The following PCDHGB3 variants were observed in gnomAD, a reference collection of about 807,000 sequenced individuals.
The protein encoded by PCDHGB3 is protocadherin gamma subfamily B, 3, also known as protocadherin gamma-B3.
In PCDHGB3, 40 loss-of-function variants were observed where a neutral mutation model predicts 59.2. That is an observed-to-expected ratio of 0.68 (90% CI 0.52 to 0.88). The LOEUF (loss-of-function observed/expected upper bound fraction) is 0.88. Among genes scored for constraint, PCDHGB3 ranks in the 40% least tolerant of loss-of-function variants. The pLI, the probability that PCDHGB3 is intolerant of heterozygous loss-of-function variation, is 0.00. For synonymous variants in PCDHGB3, 581 were observed against 503.6 expected, an observed-to-expected ratio of 1.15 and a Z score of -2.06; for missense variants, 1,309 against 1,187.9, an observed-to-expected ratio of 1.10 and a Z score of -1.50.
chr5:141,431,288 C>T lies in PCDHGB3; in HGVS notation c.2415+58479C>T, dbSNP rs2097358193. ...GAGCTACGAGCTCAGCCCGAACACT[C>T]ACTTCTCCCTCATCGTGCAAAATGG... On this transcript the variant is annotated intron_variant, in intron 1 of 3. Transcript: ENST00000576222. This position sits in a 1 kb window ranked among gnomAD's most constrained non-coding sequence, Gnocchi z 4.8. 1 of 1,614,152 alleles carries T rather than the reference C, an allele frequency of 6.2e-7. No individual in the cohort carries two copies. Among genetic ancestry groups the T allele is most frequent in the East Asian group, 2.2e-5 (1 of 44,890 alleles).
intron 1 of PCDHGB3, among the ~76,000 whole-genome samples, chr5:141,481,161 A>G (rs2099532805): frequency 6.6e-6 from 1 of 152,230 alleles, no homozygotes; most frequent in African/African-American, 2.4e-5. Flanking sequence ...GTATTTGCAG[A>G]ACCAGAATCC....
chr5:141,501,141 A>G (rs940603527), intron 2 of PCDHGB3, among the ~76,000 whole-genome samples: 8 of 152,184 alleles, frequency 5.3e-5, no homozygotes, highest in Admixed American at 5.2e-4. Context: ...TGCTGGGATT[A>G]CAGGTGGGAG....
At position 141,491,489 on chromosome 5, in the gene PCDHGB3, A is replaced by T; in HGVS notation, c.2416-3318A>T. 1.2e-6 allele frequency: 2 copies of T among 1,614,130 alleles called. No individual in the cohort carries two copies. Among genetic ancestry groups the T allele is most frequent in the Non-Finnish European group, 1.7e-6 (2 of 1,180,018 alleles). On this transcript the variant is annotated intron_variant, in intron 1 of 3. Coordinates refer to ENST00000576222, the MANE Select transcript of PCDHGB3 (RefSeq NM_018924.5). This position sits in a 1 kb window ranked among gnomAD's most constrained non-coding sequence, Gnocchi z 6.9. ...TATAAGCAGTCCAGCCCCAACCTGC[A>T]GGTGAGCTCGGACGGCACGCTCAAG... is the stretch of plus-strand genomic sequence containing the variant.
Position 141,371,363 on chromosome 5 carries a change from T to C in PCDHGB3, c.969T>C (p.Asp323=). Residue 323 remains aspartate, a synonymous_variant, in exon 1 of 4, where the codon GAT becomes GAC. Coordinates refer to ENST00000576222, the MANE Select transcript of PCDHGB3 (RefSeq NM_018924.5). The part of the protein sequence containing the change: ...DSYTIGVEAK[D]GGHHTAYCKV... ...ACACAATTGGGGTGGAAGCAAAGGATGGTGGACATCACACTGCATATTGTA... is the reference window on the plus strand; with the variant it reads ...ACACAATTGGGGTGGAAGCAAAGGACGGTGGACATCACACTGCATATTGTA... 3.7e-6 allele frequency: 6 copies of C among 1,613,948 alleles called. No individual in the cohort carries two copies. Among genetic ancestry groups the C allele is most frequent in the Non-Finnish European group, 5.1e-6 (6 of 1,179,864 alleles).
At chr5:141,383,441 C>T (rs529896434) in intron 1 of PCDHGB3, 15 of 1,613,978 alleles carry the variant, frequency 9.3e-6, no homozygotes, top group South Asian at 7.7e-5. Flanking sequence ...TTCTCCCTGG[C>T]TGTGCAAAGT....
chr5:141,398,842 C>T (rs2093712910), intron 1 of PCDHGB3: 2 of 1,613,974 alleles, frequency 1.2e-6, no homozygotes, highest in Non-Finnish European at 1.7e-6. Flanking sequence ...CAATGATAAT[C>T]CCCCGGTATT....
Position 141,372,234 on chromosome 5 carries a change from C to G in PCDHGB3, c.1840C>G (p.Pro614Ala). The change falls in exon 1 of 4, where the codon CCC becomes GCC. Residue 614 changes from proline to alanine, a missense_variant. Coordinates refer to ENST00000576222, the MANE Select transcript of PCDHGB3 (RefSeq NM_018924.5). ...LSYHIVQASEPGLFSLGLRTG... is the reference protein window; with the variant it reads ...LSYHIVQASEAGLFSLGLRTG... Reference sequence around the variant, plus strand: ...CTACCACATTGTGCAGGCCAGCGAGCCCGGGCTGTTCAGCCTGGGCCTGCG... The same window carrying G: ...CTACCACATTGTGCAGGCCAGCGAGGCCGGGCTGTTCAGCCTGGGCCTGCG... 6.2e-7 allele frequency: 1 copy of G among 1,613,350 alleles called. No individual in the cohort carries two copies. The highest frequency in any genetic ancestry group is 8.5e-7 in the Non-Finnish European group (1 of 1,179,832).
At chr5:141,447,947 A>G (rs2098555998) in intron 1 of PCDHGB3, among the ~76,000 whole-genome samples, 1 of 151,958 alleles carries the variant, frequency 6.6e-6, no homozygotes, top group South Asian at 2.1e-4. Flanking sequence ...TTAGCTGGGC[A>G]TGGTGGCGGA....
At chr5:141,415,793 T>C in intron 1 of PCDHGB3, 1 of 1,373,160 alleles carries the variant, frequency 7.3e-7, no homozygotes, top group Non-Finnish European at 9.4e-7. Context: ...AAAATTCACC[T>C]AGTCTCAATC....
intron 1 of PCDHGB3, 79 bp from the exon 2 acceptor site, chr5:141,494,728 C>T (rs2099756337): frequency 1.2e-6 from 2 of 1,609,984 alleles, no homozygotes; most frequent in Admixed American, 3.3e-5. Context: ...TCCTTCTCTC[C>T]CGGCCCATCC....
intron 1 of PCDHGB3, chr5:141,391,507 T>C (rs2092381186): frequency 6.6e-6 from 1 of 152,172 alleles, no homozygotes; most frequent in Non-Finnish European, 1.5e-5. Context: ...AGAAAATATT[T>C]TCTTTCACTA....
chr5:141,458,823 C>T (rs1185812086), intron 1 of PCDHGB3, among the ~76,000 whole-genome samples: 1 of 152,126 alleles, frequency 6.6e-6, no homozygotes, highest in African/African-American at 2.4e-5. Flanking sequence ...ACCTCTGCCT[C>T]CCAGGCTCAA....
intron 1 of PCDHGB3, among the ~76,000 whole-genome samples, chr5:141,438,629 TATATATACACACAC>T (rs1468553117): frequency 3.8e-3 from 181 of 48,054 alleles, no homozygotes; most frequent in Non-Finnish European, 5.4e-3. Flanking sequence ...TATATATATA[TATATATACACACAC>T]ACACACACAT....
Position 141,477,779 on chromosome 5 carries a change from A to G in PCDHGB3, c.2416-17028A>G, listed in dbSNP as rs781567883. ...CCTAGCCACCAACATCAGCGTGAAC[A>G]TATTTGTCACTGATCGCAATGACAA... On this transcript the variant is annotated intron_variant, in intron 1 of 3. Coordinates refer to ENST00000576222, the MANE Select transcript of PCDHGB3 (RefSeq NM_018924.5). This position sits in a 1 kb window ranked among gnomAD's most constrained non-coding sequence, Gnocchi z 4.9. 5.6e-6 allele frequency: 9 copies of G among 1,613,894 alleles called. No homozygotes were observed. Among genetic ancestry groups the G allele is most frequent in the South Asian group, 5.5e-5 (5 of 91,084 alleles).
intron 2 of PCDHGB3, 50 bp from the exon 3 acceptor site, chr5:141,505,343 G>A: frequency 1.9e-6 from 3 of 1,612,934 alleles, no homozygotes; most frequent in Non-Finnish European, 2.5e-6. Flanking sequence ...GGAGGGGCAT[G>A]AGCTGTGCCG....
At chr5:141,482,675 A>G (rs1258898440) in intron 1 of PCDHGB3, among the ~76,000 whole-genome samples, 1 of 149,114 alleles carries the variant, frequency 6.7e-6, no homozygotes, top group African/African-American at 2.5e-5. Context: ...AAGGTTGAGT[A>G]GTAGCTTGTC....
In PCDHGB3 at chr5:141,432,733, C is replaced by T; in HGVS notation, c.2415+59924C>T. 1 of 1,614,094 alleles carries T rather than the reference C, an allele frequency of 6.2e-7. No individual in the cohort carries two copies. Among genetic ancestry groups the T allele is most frequent in the Middle Eastern group, 1.6e-4 (1 of 6,062 alleles). ...GCCAGCCCCCTCTCTCCGCCACTGTCACGCTCACCGTGGCCGTGGCCGACA... is the reference window on the plus strand; with the variant it reads ...GCCAGCCCCCTCTCTCCGCCACTGTTACGCTCACCGTGGCCGTGGCCGACA... On this transcript the variant is annotated intron_variant, in intron 1 of 3. Coordinates refer to ENST00000576222, the MANE Select transcript of PCDHGB3 (RefSeq NM_018924.5). The surrounding 1 kb of genome is among the most constrained non-coding windows in gnomAD (Gnocchi z 6.0).
intron 1 of PCDHGB3, among the ~76,000 whole-genome samples, chr5:141,458,500 T>G (rs2098947037): frequency 6.6e-6 from 1 of 151,442 alleles, no homozygotes; most frequent in Admixed American, 6.6e-5. Context: ...CTGTACATAC[T>G]GTTTGACACT....
In PCDHGB3 at chr5:141,432,293, G is replaced by C. The variant is rs765631138; in HGVS notation, c.2415+59484G>C. Reference sequence around the variant, plus strand: ...CTACGTGTCCATCAACTCCGACACTGGGGTACTGTATGCGCTGAGCTCCTT... The same window carrying C: ...CTACGTGTCCATCAACTCCGACACTCGGGTACTGTATGCGCTGAGCTCCTT... On this transcript the variant is annotated intron_variant, in intron 1 of 3. Coordinates refer to ENST00000576222, the MANE Select transcript of PCDHGB3 (RefSeq NM_018924.5). This position sits in a 1 kb window ranked among gnomAD's most constrained non-coding sequence, Gnocchi z 6.0. 6.2e-7 allele frequency: 1 copy of C among 1,614,254 alleles called. No individual in the cohort carries two copies.
Sources: gnomAD v4.1 joint callset for allele counts (sites outside exome capture counted in the v4.1 genomes callset) on GRCh38, gnomAD v4.1.1 for gene constraint, Gnocchi (gnomAD v3.1) non-coding constraint, MANE v1.5 for transcripts, NCBI Gene and HGNC (gene_info 2026-07-23, HGNC 2026-07-21) for gene names.